The following ULK4 variants were observed in gnomAD, a reference collection of about 807,000 sequenced individuals.
ULK4 encodes the protein unc-51 like kinase 4.
ULK4 carries 133 observed loss-of-function variants against 160.6 expected under a neutral mutation model. The observed-to-expected ratio is 0.83, with a 90% CI of 0.72 to 0.96. The LOEUF is 0.96. Ranked by LOEUF, ULK4 falls within the 40% of genes least tolerant of loss-of-function variation. ULK4 has a pLI of 0.00. For missense variants in ULK4, 1,580 were observed against 1,499.5 expected (o/e 1.05, Z -0.89); for synonymous variants, 534 against 539.8 (o/e 0.99, Z 0.15).
In ULK4 at chr3:41,900,705, G is replaced by A. The variant is rs1209544663; in HGVS notation, c.1287+20C>T. 2 of 1,583,282 alleles carry A rather than the reference G, an allele frequency of 1.3e-6. No individual in the cohort carries two copies. The highest frequency in any genetic ancestry group is 2.2e-5 in the East Asian group (1 of 44,628). ...TCTCAGTAAAGTCTACAACTCAGTTGTTAGAGTGTCTTTCTGCACCTTTGG... is the reference window on the plus strand; with the variant it reads ...TCTCAGTAAAGTCTACAACTCAGTTATTAGAGTGTCTTTCTGCACCTTTGG... On this transcript the variant is annotated intron_variant, in intron 13 of 36. Coordinates refer to ENST00000301831, the MANE Select transcript of ULK4 (RefSeq NM_017886.4).
intron 3 of ULK4, among the ~76,000 whole-genome samples, chr3:41,937,547 G>A (rs1425552916): frequency 3.3e-5 from 5 of 149,778 alleles, no homozygotes; most frequent in Non-Finnish European, 5.9e-5. Context: ...GTACTTAGCA[G>A]TGGTTATTAC....
At chr3:41,519,769 G>C (rs28503239) in intron 32 of ULK4, among the ~76,000 whole-genome samples, 47,315 of 152,116 alleles carry the variant, frequency 0.31, 7,582 homozygotes, top group Non-Finnish European at 0.33. Context: ...GAACTTTTCA[G>C]GGTCTTCTGA....
At chr3:41,470,388 C>T (rs1179177146) in intron 32 of ULK4, among the ~76,000 whole-genome samples, 1 of 152,084 alleles carries the variant, frequency 6.6e-6, no homozygotes, top group Non-Finnish European at 1.5e-5. Context: ...AATTGTCTTT[C>T]CAAAATGAAA....
rs80101913 is a variant in ULK4, at chr3:41,401,627, T to C, written c.3493-3363A>G. ...ACAATGTGACAATGCTGAATTATTC[T>C]CTGTTTTAGGCAGTCTTCTGCGTAG... On this transcript the variant is annotated intron_variant, in intron 34 of 36. Transcript: ENST00000301831. Among the ~76,000 whole-genome samples, 406 of 152,274 alleles carry C rather than the reference T, an allele frequency of 2.7e-3. 1 individual carries two copies. The highest frequency in any genetic ancestry group is 0.015 in the East Asian group (77 of 5,172).
chr3:41,508,384 T>C (rs2085464901), intron 32 of ULK4, among the ~76,000 whole-genome samples: 2 of 152,254 alleles, frequency 1.3e-5, no homozygotes, highest in African/African-American at 2.4e-5. Flanking sequence ...ATATAATCTC[T>C]TGGGCGCTCT....
At chr3:41,495,094 T>C (rs2084937454) in intron 32 of ULK4, among the ~76,000 whole-genome samples, 2 of 152,228 alleles carry the variant, frequency 1.3e-5, no homozygotes, top group African/African-American at 4.8e-5. Flanking sequence ...CAAGTTCATA[T>C]GGAACCAAAA....
At chr3:41,671,961 C>T (rs1028357775) in intron 29 of ULK4, among the ~76,000 whole-genome samples, 5 of 151,926 alleles carry the variant, frequency 3.3e-5, no homozygotes, top group African/African-American at 4.8e-5. Context: ...AAATGGCCAA[C>T]GGGTACATGA....
intron 34 of ULK4, among the ~76,000 whole-genome samples, chr3:41,449,772 T>A (rs185188745): frequency 1.3e-5 from 2 of 151,934 alleles, no homozygotes; most frequent in East Asian, 1.9e-4. Flanking sequence ...GTTTTATTTT[T>A]AATTTATTTT....
chr3:41,662,122 C>T (rs1310723282), intron 30 of ULK4, among the ~76,000 whole-genome samples: 1 of 152,188 alleles, frequency 6.6e-6, no homozygotes, highest in African/African-American at 2.4e-5. Context: ...ACTTCTAATA[C>T]AGATTCACTC....
At chr3:41,300,840 T>A (rs201903911) in intron 35 of ULK4, among the ~76,000 whole-genome samples, 1 of 22,208 alleles carries the variant, frequency 4.5e-5, no homozygotes, top group African/African-American at 1.5e-4. Context: ...TTACAGATTA[T>A]ATATATATAT....
At chr3:41,425,441 G>T (rs998900930) in intron 34 of ULK4, among the ~76,000 whole-genome samples, 1 of 152,096 alleles carries the variant, frequency 6.6e-6, no homozygotes, top group East Asian at 1.9e-4. Context: ...TTCAGAAAAT[G>T]CAGAGAATCC....
chr3:41,755,998 T>C (rs1343551571), intron 21 of ULK4, among the ~76,000 whole-genome samples: 1 of 152,152 alleles, frequency 6.6e-6, no homozygotes, highest in East Asian at 1.9e-4. Flanking sequence ...GTGAAAGAGA[T>C]AAAGACAGAG....
chr3:41,483,580 T>A (rs2084402504), intron 32 of ULK4, among the ~76,000 whole-genome samples: 1 of 152,192 alleles, frequency 6.6e-6, no homozygotes. Context: ...CTGTTTTCCC[T>A]GGAATTAATA....
At chr3:41,640,806 T>G (rs184520510) in intron 30 of ULK4, among the ~76,000 whole-genome samples, 1 of 152,332 alleles carries the variant, frequency 6.6e-6, no homozygotes, top group East Asian at 1.9e-4. Context: ...CAACTTTTTT[T>G]TAATTGAATT....
chr3:41,938,627 T>G (rs962262515), intron 2 of ULK4, among the ~76,000 whole-genome samples: 1 of 152,092 alleles, frequency 6.6e-6, no homozygotes, highest in African/African-American at 2.4e-5. Context: ...AGTTGCAGGG[T>G]GCTGAGACTG....
At chr3:41,882,178 A>T in intron 17 of ULK4, 2 of 702,300 alleles carry the variant, frequency 2.8e-6, no homozygotes, top group African/African-American at 1.7e-5. Context: ...ATTTATTTTG[A>T]AATATTTGTC....
chr3:41,862,051 A>G (rs1373394492), intron 17 of ULK4, among the ~76,000 whole-genome samples: 1 of 152,030 alleles, frequency 6.6e-6, no homozygotes, highest in Non-Finnish European at 1.5e-5. Flanking sequence ...AGCTCAAGCA[A>G]TCCACCCTCA....
intron 31 of ULK4, among the ~76,000 whole-genome samples, chr3:41,579,302 A>G (rs1194360362): frequency 6.6e-6 from 1 of 152,126 alleles, no homozygotes; most frequent in Middle Eastern, 3.2e-3. Context: ...GAATGAAGGG[A>G]CAGAGGAAAG....
chr3:41,667,649 G>A (rs2125769611), intron 29 of ULK4, among the ~76,000 whole-genome samples: 1 of 152,292 alleles, frequency 6.6e-6, no homozygotes, highest in East Asian at 1.9e-4. Context: ...GTGCCCTGAG[G>A]CTGGCCAGAG....
Sources: gnomAD v4.1 joint callset for allele counts (sites outside exome capture counted in the v4.1 genomes callset) on GRCh38, gnomAD v4.1.1 for gene constraint, MANE v1.5 for transcripts, NCBI Gene and HGNC (gene_info 2026-07-23, HGNC 2026-07-21) for gene names.